Variants in UMAD1 observed in about 807,000 individuals in gnomAD.
The protein encoded by UMAD1 is UBAP1-MVB12-associated (UMA) domain containing 1.
In UMAD1, 8 loss-of-function variants were observed where a neutral mutation model predicts 6.1. The observed-to-expected ratio is 1.30, with a 90% CI of 0.76 to 2.35. The LOEUF (loss-of-function observed/expected upper bound fraction) is 2.35, where lower values mean the gene tolerates loss of function less well. Ranked by LOEUF, UMAD1 falls within the 30% of genes most tolerant of loss-of-function variation. The probability of loss-of-function intolerance (pLI) is 0.00; values close to 1 mark genes in which losing one functional copy is unlikely to be tolerated. For synonymous variants in UMAD1, 56 were observed against 31.4 expected, an observed-to-expected ratio of 1.78 and a Z score of -2.61; for missense variants, 130 against 78.4, an observed-to-expected ratio of 1.66 and a Z score of -2.49.
intron 2 of UMAD1, among the ~76,000 whole-genome samples, chr7:7,795,776 C>T (rs537001534): frequency 2.0e-4 from 31 of 152,272 alleles, no homozygotes; most frequent in Middle Eastern, 3.4e-3. Flanking sequence ...CAGGCCAATA[C>T]ATTATAATTG....
At chr7:7,672,794 G>A (rs938821619) in intron 1 of UMAD1, among the ~76,000 whole-genome samples, 4 of 152,182 alleles carry the variant, frequency 2.6e-5, no homozygotes, top group South Asian at 2.1e-4. Flanking sequence ...CTTCATAGCA[G>A]TGTGAGAATG....
At chr7:7,663,910 T>C (rs1167924541) in intron 1 of UMAD1, among the ~76,000 whole-genome samples, 1 of 152,180 alleles carries the variant, frequency 6.6e-6, no homozygotes, top group Non-Finnish European at 1.5e-5. Flanking sequence ...ATAACCTGAA[T>C]GGGTGAGCTA....
intron 2 of UMAD1, among the ~76,000 whole-genome samples, chr7:7,795,200 A>C (rs532466709): frequency 6.6e-6 from 1 of 152,280 alleles, no homozygotes; most frequent in East Asian, 1.9e-4. Context: ...CTTTCTCAGG[A>C]CCTCCTGAGA....
intron 2 of UMAD1, among the ~76,000 whole-genome samples, chr7:7,770,248 C>T (rs765471532): frequency 4.6e-5 from 7 of 152,054 alleles, no homozygotes; most frequent in South Asian, 2.1e-4. Context: ...TCATCCTTAC[C>T]GTCTTTCTTT....
intron 2 of UMAD1, among the ~76,000 whole-genome samples, chr7:7,681,018 C>T (rs1287115480): frequency 6.6e-6 from 1 of 151,940 alleles, no homozygotes; most frequent in Non-Finnish European, 1.5e-5. Context: ...ACGTACATTA[C>T]AGAAAAATAA....
intron 2 of UMAD1, chr7:7,718,472 A>G (rs895154017): frequency 2.0e-5 from 3 of 152,192 alleles, no homozygotes; most frequent in African/African-American, 7.2e-5. Context: ...AGTTATTTTG[A>G]AGGAAAAAAC....
At chr7:7,742,649 G>T (rs1563170820) in intron 2 of UMAD1, 2 of 322,596 alleles carry the variant, frequency 6.2e-6, no homozygotes, top group Non-Finnish European at 1.2e-5. Flanking sequence ...TAATTTTCAA[G>T]TGATTCTTCA....
intron 3 of UMAD1, among the ~76,000 whole-genome samples, chr7:7,856,171 A>C (rs1425221569): frequency 6.6e-6 from 1 of 152,216 alleles, no homozygotes; most frequent in East Asian, 1.9e-4. Context: ...AGTTGCTTCC[A>C]CATTATCAGG....
intron 2 of UMAD1, among the ~76,000 whole-genome samples, chr7:7,738,262 C>G (rs1781399449): frequency 6.6e-6 from 1 of 152,144 alleles, no homozygotes; most frequent in Non-Finnish European, 1.5e-5. Flanking sequence ...ACTCTCTGAA[C>G]CTGAAAATGA....
chr7:7,710,727 G>A (rs1304571570), intron 2 of UMAD1, among the ~76,000 whole-genome samples: 1 of 152,198 alleles, frequency 6.6e-6, no homozygotes, highest in Non-Finnish European at 1.5e-5. Context: ...AGACGTATAT[G>A]TGCATAAAAC....
intron 3 of UMAD1, among the ~76,000 whole-genome samples, chr7:7,808,289 T>A (rs17138135): frequency 1.3e-5 from 2 of 151,822 alleles, no homozygotes; most frequent in Admixed American, 1.3e-4. Flanking sequence ...TCTACTAGTC[T>A]TGGAGCCTGT....
At chr7:7,661,126 G>A (rs1462187729) in intron 1 of UMAD1, among the ~76,000 whole-genome samples, 3 of 151,990 alleles carry the variant, frequency 2.0e-5, no homozygotes, top group African/African-American at 7.2e-5. Context: ...ACTTGTGTAT[G>A]CTTCAGGAAG....
At chr7:7,788,851 C>A (rs751153214) in intron 2 of UMAD1, among the ~76,000 whole-genome samples, 8 of 152,212 alleles carry the variant, frequency 5.3e-5, no homozygotes, top group Non-Finnish European at 7.3e-5. Context: ...GTCCCATCTT[C>A]AGAGGAAATC....
intron 3 of UMAD1, among the ~76,000 whole-genome samples, chr7:7,814,983 C>T (rs1173089072): frequency 1.3e-5 from 2 of 152,200 alleles, no homozygotes; most frequent in African/African-American, 4.8e-5. Context: ...CTACTTGTCA[C>T]ATCAGCCACT....
intron 2 of UMAD1, among the ~76,000 whole-genome samples, chr7:7,781,229 G>A (rs535095013): frequency 6.6e-6 from 1 of 152,170 alleles, no homozygotes; most frequent in East Asian, 1.9e-4. Context: ...TGAGTTTTCT[G>A]TGTCTTTGAT....
intron 2 of UMAD1, among the ~76,000 whole-genome samples, chr7:7,784,107 G>C (rs1192480115): frequency 6.6e-6 from 1 of 152,152 alleles, no homozygotes; most frequent in Non-Finnish European, 1.5e-5. Context: ...TGTGGATCTT[G>C]ACTGTAGACA....
chr7:7,741,198 T>C (rs4725019), intron 2 of UMAD1: 1 of 151,962 alleles, frequency 6.6e-6, no homozygotes, highest in African/African-American at 2.4e-5. Context: ...AGTAAGTCTT[T>C]ATAAAGTTTC....
At chr7:7,857,683 A>T (rs1251543762) in intron 3 of UMAD1, among the ~76,000 whole-genome samples, 1 of 152,260 alleles carries the variant, frequency 6.6e-6, no homozygotes, top group East Asian at 1.9e-4. Flanking sequence ...AGGGATTAAA[A>T]TAGTCCAAAC....
intron 2 of UMAD1, among the ~76,000 whole-genome samples, chr7:7,782,842 G>A (rs1323238416): frequency 6.7e-6 from 1 of 149,200 alleles, no homozygotes; most frequent in East Asian, 2.0e-4. Flanking sequence ...CGATTCTCCT[G>A]CCTCAGCCTC....
Sources: gnomAD v4.1 joint callset for allele counts (sites outside exome capture counted in the v4.1 genomes callset) on GRCh38, gnomAD v4.1.1 for gene constraint, MANE v1.5 for transcripts, NCBI Gene and HGNC (gene_info 2026-07-23, HGNC 2026-07-21) for gene names.